The following NFIB variants were observed in gnomAD, a reference collection of about 807,000 sequenced individuals.
NFIB encodes the protein nuclear factor I B.
Under a neutral mutation model 61.5 loss-of-function variants are expected in NFIB, and 11 were observed. The observed-to-expected ratio is 0.18, with a 90% CI of 0.11 to 0.30. NFIB has a LOEUF of 0.30. Ranked by LOEUF, NFIB falls within the 10% of genes least tolerant of loss-of-function variation. NFIB has a pLI of 1.00. For synonymous variants in NFIB, 260 were observed against 216.5 expected (o/e 1.20, Z -1.76); for missense variants, 471 against 608.9 (o/e 0.77, Z 2.38).
At chr9:14,368,649 A>G (rs1276046024) in intron 1 of NFIB, among the ~76,000 whole-genome samples, 1 of 152,202 alleles carries the variant, frequency 6.6e-6, no homozygotes, top group Non-Finnish European at 1.5e-5. Context: ...TGCTATCTTG[A>G]CTAACTTCAG....
intron 1 of NFIB, among the ~76,000 whole-genome samples, chr9:14,385,281 G>C (rs1210205811): frequency 6.6e-6 from 1 of 152,142 alleles, no homozygotes; most frequent in Non-Finnish European, 1.5e-5. Context: ...TGGCAAACTT[G>C]GGACCCAAGC....
chr9:14,270,936 G>A (rs1361091166), intron 2 of NFIB, among the ~76,000 whole-genome samples: 3 of 152,040 alleles, frequency 2.0e-5, no homozygotes, highest in South Asian at 2.1e-4. Flanking sequence ...GCACACAGCC[G>A]CCCTAATGCA....
At chr9:14,342,930 G>A (rs1357394065) in intron 1 of NFIB, among the ~76,000 whole-genome samples, 1 of 151,988 alleles carries the variant, frequency 6.6e-6, no homozygotes, top group Non-Finnish European at 1.5e-5. Flanking sequence ...CTTCAGAGTT[G>A]CCCCTTATGT....
intron 2 of NFIB, among the ~76,000 whole-genome samples, chr9:14,285,252 A>G (rs2132474619): frequency 6.6e-6 from 1 of 152,186 alleles, no homozygotes; most frequent in South Asian, 2.1e-4. Flanking sequence ...CCTCCTGAGT[A>G]GCTGGGATTA....
chr9:14,344,221 G>C (rs891572317), intron 1 of NFIB, among the ~76,000 whole-genome samples: 1 of 151,950 alleles, frequency 6.6e-6, no homozygotes, highest in Non-Finnish European at 1.5e-5. Flanking sequence ...CAGACCCCAA[G>C]AGAGGCACAC....
chr9:14,342,249 T>A (rs2060960624), intron 1 of NFIB, among the ~76,000 whole-genome samples: 1 of 152,150 alleles, frequency 6.6e-6, no homozygotes, highest in Admixed American at 6.5e-5. Flanking sequence ...AAGAACAAAT[T>A]ATTTCAGGCA....
chr9:14,186,535 C>G (rs2047351785), intron 2 of NFIB, among the ~76,000 whole-genome samples: 1 of 152,050 alleles, frequency 6.6e-6, no homozygotes, highest in Admixed American at 6.6e-5. Context: ...AATACAAATG[C>G]ATGTATTTTA....
In NFIB at chr9:14,216,596, T is replaced by C. The variant is rs529275429; in HGVS notation, c.563-36816A>G. 3.9e-4 allele frequency among the ~76,000 whole-genome samples: 56 copies of C among 142,440 alleles called. 1 individual carries two copies. In the East Asian group the frequency reaches 5.3e-3, roughly 13 times the overall value. 93.4% of individuals were successfully genotyped at this position (142,440 alleles called of 152,430 possible). ...TGTGTGTGTGTGTGTGTGTGTAGCA[T>C]TGACAAGGGGGTAAGCCCCTACAAA... On this transcript the variant is annotated intron_variant, in intron 2 of 10. Transcript: ENST00000380953.
chr9:14,111,950 C>A (rs984892291), intron 10 of NFIB, among the ~76,000 whole-genome samples: 3 of 152,164 alleles, frequency 2.0e-5, no homozygotes, highest in African/African-American at 7.2e-5. Context: ...GAGAACTCCA[C>A]ACCAAGCACA....
chr9:14,285,322 C>G (rs2058638606), intron 2 of NFIB, among the ~76,000 whole-genome samples: 1 of 152,122 alleles, frequency 6.6e-6, no homozygotes, highest in Non-Finnish European at 1.5e-5. Flanking sequence ...AGGGTTTCAC[C>G]ATGTCGGCCA....
the NFIB span, among the ~76,000 whole-genome samples, chr9:14,448,019 A>C: frequency 6.6e-6 from 1 of 152,204 alleles, no homozygotes; most frequent in Non-Finnish European, 1.5e-5. Context: ...TCTATCAATG[A>C]AGTTATAGAA....
At chr9:14,375,590 G>A (rs1471097914) in intron 1 of NFIB, among the ~76,000 whole-genome samples, 1 of 152,048 alleles carries the variant, frequency 6.6e-6, no homozygotes, top group South Asian at 2.1e-4. Flanking sequence ...ACCGGAAGGT[G>A]GAGGTTGCAG....
the NFIB span, among the ~76,000 whole-genome samples, chr9:14,441,373 C>T: frequency 6.6e-6 from 1 of 152,072 alleles, no homozygotes; most frequent in African/African-American, 2.4e-5. Flanking sequence ...ATTTTAATTG[C>T]ATTTTTAAAA....
chr9:14,195,300 C>G (rs2048357614), intron 2 of NFIB, among the ~76,000 whole-genome samples: 1 of 152,182 alleles, frequency 6.6e-6, no homozygotes, highest in African/African-American at 2.4e-5. Context: ...AATAAATGCA[C>G]AATGCTTCTC....
chr9:14,218,565 T>C (rs2051228545), intron 2 of NFIB, among the ~76,000 whole-genome samples: 1 of 152,328 alleles, frequency 6.6e-6, no homozygotes, highest in East Asian at 1.9e-4. Flanking sequence ...CTGATGACTA[T>C]AGATGTCACC....
chr9:14,288,096 A>G (rs755909634), intron 2 of NFIB, among the ~76,000 whole-genome samples: 14 of 152,108 alleles, frequency 9.2e-5, no homozygotes, highest in Non-Finnish European at 1.9e-4. Context: ...AGATTTTTTA[A>G]TTGCCTATAG....
At chr9:14,234,815 T>G (rs972220253) in intron 2 of NFIB, among the ~76,000 whole-genome samples, 6 of 150,960 alleles carry the variant, frequency 4.0e-5, no homozygotes, top group Admixed American at 1.3e-4. Context: ...GTTTTTTTTT[T>G]GGGTATGTTT....
At chr9:14,092,358 A>C (rs558925244) in intron 10 of NFIB, among the ~76,000 whole-genome samples, 1 of 152,064 alleles carries the variant, frequency 6.6e-6, no homozygotes, top group Non-Finnish European at 1.5e-5. Flanking sequence ...GGTGTTTTAC[A>C]TATGCTACAC....
chr9:14,248,783 C>G (rs938982067), intron 2 of NFIB, among the ~76,000 whole-genome samples: 7 of 152,166 alleles, frequency 4.6e-5, no homozygotes, highest in African/African-American at 1.7e-4. Context: ...GGAACGTCTG[C>G]AGGGACTAGT....
Sources: allele counts gnomAD v4.1 joint callset (sites outside exome capture counted in the v4.1 genomes callset), GRCh38; gene constraint gnomAD v4.1.1; transcripts MANE v1.5; gene names NCBI Gene and HGNC (gene_info 2026-07-23, HGNC 2026-07-21).